Variants in KDM3B observed in about 807,000 individuals in gnomAD.
KDM3B encodes lysine demethylase 3B.
In KDM3B, 10 loss-of-function variants were observed where a neutral mutation model predicts 170.0. The ratio of observed to expected loss-of-function variants is 0.06; its 90% confidence interval spans 0.04 to 0.10. The LOEUF is 0.10. Among genes scored for constraint, KDM3B ranks in the 10% least tolerant of loss-of-function variants. The pLI, the probability that KDM3B is intolerant of heterozygous loss-of-function variation, is 1.00. For missense variants in KDM3B, 1,394 were observed against 2,195.2 expected, an observed-to-expected ratio of 0.64 and a Z score of 7.29; for synonymous variants, 831 against 834.8, an observed-to-expected ratio of 1.00 and a Z score of 0.08.
At position 138,391,455 on chromosome 5, in the gene KDM3B, G is replaced by T. The variant is rs1324107502; in HGVS notation, c.1823G>T (p.Ser608Ile). 8 of 1,614,078 alleles carry T rather than the reference G, an allele frequency of 5.0e-6. No individual in the cohort carries two copies. Among genetic ancestry groups the T allele is most frequent in the Non-Finnish European group, 6.8e-6 (8 of 1,180,024 alleles). Residue 608 changes from serine to isoleucine, a missense_variant, in exon 8 of 24, where the codon AGC becomes ATC. Ser to Ile is a moderately radical substitution (Grantham distance 142). Transcript: ENST00000314358. The surrounding 1 kb of genome is among the most constrained non-coding windows in gnomAD (Gnocchi z 5.0). Reference protein sequence around the residue: ...MPTLTPAFPRSLLNARTPENH... With the variant: ...MPTLTPAFPRILLNARTPENH... ...ACCCTCACTCCAGCCTTCCCACGGA[G>T]CCTCCTAAATGCCCGTACCCCAGAG...
chr5:138,428,215 T>TC, intron 20 of KDM3B, 129 bp downstream of exon 20: 1 of 1,022,204 alleles, frequency 9.8e-7, no homozygotes, highest in Non-Finnish European at 1.4e-6. Context: ...GTTTTTTTTT[T>TC]TGGGGGGCGG....
chr5:138,369,574 A>G (rs994214342), intron 1 of KDM3B, among the ~76,000 whole-genome samples: 1 of 152,178 alleles, frequency 6.6e-6, no homozygotes, highest in African/African-American at 2.4e-5. Flanking sequence ...AGTGTTCAAG[A>G]TCTTCCACAT....
chr5:138,361,793 A>T (rs1174761006), intron 1 of KDM3B, among the ~76,000 whole-genome samples: 1 of 152,146 alleles, frequency 6.6e-6, no homozygotes, highest in Non-Finnish European at 1.5e-5. Context: ...ATTCCCCAGC[A>T]TGTTGTTTTT....
chr5:138,375,639 A>G (rs1264221484), intron 3 of KDM3B, among the ~76,000 whole-genome samples: 2 of 151,972 alleles, frequency 1.3e-5, no homozygotes, highest in Admixed American at 6.6e-5. Context: ...CGGCCTCCCA[A>G]AGTGCTGGGA....
intron 1 of KDM3B, among the ~76,000 whole-genome samples, chr5:138,357,563 A>C (rs1761482774): frequency 6.6e-6 from 1 of 151,820 alleles, no homozygotes; most frequent in African/African-American, 2.4e-5. Context: ...AGGTTTTGCC[A>C]TGTTGCCCAG....
At chr5:138,385,944 G>A (rs1201521330) in intron 6 of KDM3B, 78 bp from the exon 7 acceptor site, 1 of 1,489,622 alleles carries the variant, frequency 6.7e-7, no homozygotes, top group Admixed American at 2.2e-5. Context: ...TGCTTCTAGA[G>A]ATGGGAAAGA....
At chr5:138,401,390 A>G (rs1245669357) in intron 11 of KDM3B, among the ~76,000 whole-genome samples, 2 of 152,088 alleles carry the variant, frequency 1.3e-5, no homozygotes, top group Non-Finnish European at 2.9e-5. Context: ...GCCTTCTGTG[A>G]CTAGCCCTTT....
intron 17 of KDM3B, among the ~76,000 whole-genome samples, chr5:138,426,457 C>T (rs1020213605): frequency 4.6e-5 from 7 of 151,600 alleles, no homozygotes; most frequent in African/African-American, 1.7e-4. Flanking sequence ...CACCTATAGT[C>T]CCAGCTACTC....
intron 6 of KDM3B, among the ~76,000 whole-genome samples, chr5:138,383,048 A>G (rs958832711): frequency 6.6e-6 from 1 of 152,186 alleles, no homozygotes; most frequent in Non-Finnish European, 1.5e-5. Flanking sequence ...TAGGACTTAC[A>G]TATAAGTTGT....
intron 16 of KDM3B, among the ~76,000 whole-genome samples, chr5:138,424,678 G>A (rs1050260364): frequency 3.3e-5 from 5 of 152,110 alleles, no homozygotes; most frequent in Admixed American, 1.3e-4. Flanking sequence ...TGCTTGAGAG[G>A]GTGAGGCAGG....
At chr5:138,376,883 G>C (rs1262014979) in intron 3 of KDM3B, among the ~76,000 whole-genome samples, 2 of 152,056 alleles carry the variant, frequency 1.3e-5, no homozygotes, top group Non-Finnish European at 2.9e-5. Context: ...AAACAAACCA[G>C]CGTCTGAGTT....
chr5:138,424,241 C>T lies in KDM3B; in HGVS notation c.4139C>T (p.Thr1380Ile). 1.2e-6 allele frequency: 2 copies of T among 1,614,164 alleles called. No homozygotes were observed. Among genetic ancestry groups the T allele is most frequent in the Non-Finnish European group, 1.7e-6 (2 of 1,179,996 alleles). The change falls in exon 16 of 24, where the codon ACT becomes ATT. Residue 1380 changes from threonine (T) to isoleucine (I), a missense_variant. Thr to Ile is a moderately conservative substitution (Grantham distance 89). Coordinates refer to ENST00000314358, the MANE Select transcript of KDM3B (RefSeq NM_016604.4). ...VMGLNVLDPH[T>I]SHSWLCDGRL... ...GGGTTAAATGTGCTAGATCCCCATA[C>T]TTCTCACTCCTGGCTTTGTGATGGG...
intron 11 of KDM3B, among the ~76,000 whole-genome samples, chr5:138,405,082 C>T (rs1416375701): frequency 2.0e-5 from 3 of 147,888 alleles, no homozygotes; most frequent in Non-Finnish European, 4.5e-5. Flanking sequence ...GTCGTACTGT[C>T]GACCAGGCTG....
intron 1 of KDM3B, 146 bp downstream of exon 1, chr5:138,353,133 C>T (rs935272325): frequency 2.5e-5 from 17 of 675,132 alleles, no homozygotes; most frequent in Non-Finnish European, 3.3e-5. Flanking sequence ...GCCGGCACCT[C>T]CGCACCCCGA....
At chr5:138,427,130 T>C in intron 18 of KDM3B, 59 bp from the exon 19 acceptor site, 1 of 1,606,846 alleles carries the variant, frequency 6.2e-7, no homozygotes, top group Non-Finnish European at 8.5e-7. Context: ...AAAGTGAAAT[T>C]TGTCTATTGG....
chr5:138,383,972 C>A (rs1305847983), intron 6 of KDM3B, among the ~76,000 whole-genome samples: 3 of 148,076 alleles, frequency 2.0e-5, no homozygotes, highest in Non-Finnish European at 4.5e-5. Flanking sequence ...AGAAAAAAAT[C>A]AAGGCCAGGC....
Position 138,416,448 on chromosome 5 carries a change from G to A in KDM3B, c.3308-1035G>A, listed in dbSNP as rs916579126. Reference sequence around the variant, plus strand: ...CTACTAAAAATATAAAGTTAGCCAGGCATGGTGGTAAGCGCCTGTAATCCC... The same window carrying A: ...CTACTAAAAATATAAAGTTAGCCAGACATGGTGGTAAGCGCCTGTAATCCC... On this transcript the variant is annotated intron_variant, in intron 12 of 23. Transcript: ENST00000314358. 1.9e-4 allele frequency among the ~76,000 whole-genome samples: 29 copies of A among 152,028 alleles called. 1 individual carries two copies. The highest frequency in any genetic ancestry group is 6.3e-4 in the African/African-American group (26 of 41,408).
chr5:138,377,550 A>G (rs1762028548), intron 3 of KDM3B, among the ~76,000 whole-genome samples, 170 bp from the exon 4 acceptor site: 1 of 152,224 alleles, frequency 6.6e-6, no homozygotes, highest in Admixed American at 6.5e-5. Context: ...GGCCTCCCAA[A>G]GTACTAAGAT....
chr5:138,373,523 G>C (rs1761924574), intron 2 of KDM3B, among the ~76,000 whole-genome samples: 1 of 151,860 alleles, frequency 6.6e-6, no homozygotes, highest in African/African-American at 2.4e-5. Context: ...CTGGAATGCA[G>C]TGGTGCAATC....
Sources: allele counts gnomAD v4.1 joint callset (sites outside exome capture counted in the v4.1 genomes callset), GRCh38; gene constraint gnomAD v4.1.1; non-coding constraint Gnocchi (gnomAD v3.1); transcripts MANE v1.5; gene names NCBI Gene and HGNC (gene_info 2026-07-23, HGNC 2026-07-21).